The following NBAS variants were observed in gnomAD, a reference collection of about 807,000 sequenced individuals.
NBAS encodes NAG/BC035112 fusion.
NBAS carries 219 observed loss-of-function variants against 302.5 expected under a neutral mutation model. That is an observed-to-expected ratio of 0.72 (90% confidence interval 0.65 to 0.81). NBAS has a LOEUF of 0.81. NBAS is among the 30% of genes least tolerant of loss of function. The pLI, the probability that NBAS is intolerant of heterozygous loss-of-function variation, is 0.00. For synonymous variants in NBAS, 1,118 were observed against 1,021.6 expected (o/e 1.09, Z -1.80); for missense variants, 2,932 against 2,841.6 (o/e 1.03, Z -0.72).
the NBAS span, among the ~76,000 whole-genome samples, chr2:14,794,534 A>T: frequency 6.6e-6 from 1 of 152,170 alleles, no homozygotes; most frequent in Non-Finnish European, 1.5e-5. Flanking sequence ...ATGTTTACAT[A>T]TTCACTTATA....
At chr2:15,050,240 C>CT in the NBAS span, among the ~76,000 whole-genome samples, 2 of 152,080 alleles carry the variant, frequency 1.3e-5, no homozygotes, top group Admixed American at 6.5e-5. Context: ...GGTATATATC[C>CT]TTTTTTTAAA....
At chr2:15,157,093 G>A in the NBAS span, among the ~76,000 whole-genome samples, 2 of 152,146 alleles carry the variant, frequency 1.3e-5, no homozygotes, top group East Asian at 3.9e-4. Flanking sequence ...GGATCCCATA[G>A]TTAAGAACTC....
At chr2:15,256,213 T>C (rs891075337) in intron 44 of NBAS, among the ~76,000 whole-genome samples, 3 of 152,212 alleles carry the variant, frequency 2.0e-5, no homozygotes, top group Non-Finnish European at 2.9e-5. Context: ...TTTGTTTCTG[T>C]CATTTATGAT....
the NBAS span, among the ~76,000 whole-genome samples, chr2:14,931,104 T>C: frequency 6.6e-6 from 1 of 152,182 alleles, no homozygotes; most frequent in African/African-American, 2.4e-5. Flanking sequence ...CTAACAAGAA[T>C]GTTAAGGAAC....
intron 6 of NBAS, among the ~76,000 whole-genome samples, chr2:15,547,593 C>T (rs1355946370): frequency 6.6e-6 from 1 of 152,100 alleles, no homozygotes; most frequent in Non-Finnish European, 1.5e-5. Flanking sequence ...GTAGATTTCT[C>T]GATTTACCTA....
At chr2:15,089,499 T>C in the NBAS span, among the ~76,000 whole-genome samples, 1 of 152,192 alleles carries the variant, frequency 6.6e-6, no homozygotes, top group Non-Finnish European at 1.5e-5. Context: ...TTACATTAGT[T>C]TAGAGCTAGG....
chr2:14,942,356 C>T, the NBAS span, among the ~76,000 whole-genome samples: 8 of 152,092 alleles, frequency 5.3e-5, no homozygotes, highest in Non-Finnish European at 1.0e-4. Context: ...AGTGCCACCC[C>T]TCTTGGTACT....
At chr2:14,785,532 G>T in the NBAS span, among the ~76,000 whole-genome samples, 1 of 152,124 alleles carries the variant, frequency 6.6e-6, no homozygotes, top group Non-Finnish European at 1.5e-5. Context: ...AGCATGAAGG[G>T]CTGTTGAATT....
the NBAS span, among the ~76,000 whole-genome samples, chr2:15,123,348 C>T: frequency 0.14 from 20,676 of 152,024 alleles, 2,673 homozygotes; most frequent in African/African-American, 0.33. Flanking sequence ...GATCGGAGCT[C>T]GTCATAGGTT....
In NBAS at chr2:15,409,964, G is replaced by A. The variant is rs75291417; in HGVS notation, c.2937+5582C>T. 6.7e-3 allele frequency among the ~76,000 whole-genome samples: 1,025 copies of A among 152,186 alleles called. 12 individuals carry two copies. Among genetic ancestry groups the A allele is most frequent in the African/African-American group, 0.022 (925 of 41,516 alleles). On this transcript the variant is annotated intron_variant, in intron 25 of 51. Transcript: ENST00000281513. ...CAGTTTTATCACAGGTCACAGAGGC[G>A]TATTAATTGAAAGCACAAATTCATG...
At chr2:15,523,645 G>A (rs969300952) in intron 9 of NBAS, among the ~76,000 whole-genome samples, 36 of 152,192 alleles carry the variant, frequency 2.4e-4, no homozygotes, top group Admixed American at 6.5e-5. Flanking sequence ...CAGGCGCAGT[G>A]GCTCATGCCT....
chr2:15,332,801 G>A (rs1672413695), intron 35 of NBAS, among the ~76,000 whole-genome samples: 2 of 152,334 alleles, frequency 1.3e-5, no homozygotes, highest in Admixed American at 6.5e-5. Flanking sequence ...ATATACTACA[G>A]TTTAGTTCAC....
the NBAS span, among the ~76,000 whole-genome samples, chr2:15,077,173 A>G: frequency 6.6e-6 from 1 of 152,216 alleles, no homozygotes; most frequent in African/African-American, 2.4e-5. Context: ...GTGAAGAGGA[A>G]GCAAGGCACG....
chr2:14,923,187 G>A, the NBAS span, among the ~76,000 whole-genome samples: 54,429 of 151,996 alleles, frequency 0.36, 9,951 homozygotes, highest in African/African-American at 0.44. Flanking sequence ...CATTTATTCA[G>A]TGGTTCTCCG....
the NBAS span, among the ~76,000 whole-genome samples, chr2:15,004,499 A>G: frequency 6.6e-6 from 1 of 152,058 alleles, no homozygotes; most frequent in Non-Finnish European, 1.5e-5. Flanking sequence ...GTGAGTGAGG[A>G]AAGAGTTACC....
At chr2:15,270,966 G>A (rs1669291068) in intron 44 of NBAS, among the ~76,000 whole-genome samples, 1 of 152,174 alleles carries the variant, frequency 6.6e-6, no homozygotes, top group Admixed American at 6.5e-5. Flanking sequence ...CATGGTGAAA[G>A]AGGTACTGCC....
At chr2:15,239,886 G>T (rs1383426907) in intron 44 of NBAS, among the ~76,000 whole-genome samples, 1 of 152,008 alleles carries the variant, frequency 6.6e-6, no homozygotes, top group African/African-American at 2.4e-5. Flanking sequence ...TCAAGAATGT[G>T]CAGGAGTTAT....
chr2:15,229,347 C>CAAAAAAAAAA lies in NBAS; in HGVS notation c.6236+3065_6236+3074dup, dbSNP rs61152926. ...CACTGCAAGACTCTGTCTCAAAAAA[C>CAAAAAAAAAA]AAAAAAAAAAAAAAAAAAAAAAAAA... On this transcript the variant is annotated intron_variant, in intron 47 of 51. Transcript: ENST00000281513. 7.0e-4 allele frequency among the ~76,000 whole-genome samples: 54 copies of CAAAAAAAAAA among 76,902 alleles called. 1 individual carries two copies. The highest frequency in any genetic ancestry group is 9.1e-4 in the Non-Finnish European group (34 of 37,170). The allele number at this position is 76,902 out of a possible 152,430, so 50.5% of individuals were successfully genotyped here.
At chr2:14,846,115 C>A in the NBAS span, among the ~76,000 whole-genome samples, 3 of 152,078 alleles carry the variant, frequency 2.0e-5, no homozygotes, top group African/African-American at 7.2e-5. Flanking sequence ...AATAATCAAA[C>A]TCTCAAAGGT....
Sources: gnomAD v4.1 joint callset for allele counts (sites outside exome capture counted in the v4.1 genomes callset) on GRCh38, gnomAD v4.1.1 for gene constraint, MANE v1.5 for transcripts, NCBI Gene and HGNC (gene_info 2026-07-23, HGNC 2026-07-21) for gene names.